Variants in BRIX1 observed in about 807,000 individuals in gnomAD.
BRIX1 encodes biogenesis of ribosomes BRX1.
A neutral mutation model predicts 44.0 loss-of-function variants in BRIX1; 15 were observed. The ratio of observed to expected loss-of-function variants is 0.34; its 90% CI spans 0.23 to 0.53. BRIX1 has a LOEUF of 0.53. Ranked by LOEUF, BRIX1 falls within the 20% of genes least tolerant of loss-of-function variation. The probability of loss-of-function intolerance (pLI) is 0.95; values close to 1 mark genes in which losing one functional copy is unlikely to be tolerated. For missense variants in BRIX1, 420 were observed against 432.8 expected, an observed-to-expected ratio of 0.97 and a Z score of 0.26; for synonymous variants, 149 against 135.4, an observed-to-expected ratio of 1.10 and a Z score of -0.70.
intron 8 of BRIX1, 136 bp downstream of exon 8, chr5:34,923,370 C>T (rs1764283284): frequency 1.5e-6 from 1 of 662,526 alleles, no homozygotes; most frequent in African/African-American, 1.8e-5. Flanking sequence ...ACCTCCACCT[C>T]CCGGGTTCAA....
intron 1 of BRIX1, 171 bp downstream of exon 1, chr5:34,916,068 C>T (rs182916164): frequency 2.8e-5 from 20 of 717,478 alleles, no homozygotes; most frequent in African/African-American, 2.2e-4. Context: ...GCAGCTAATC[C>T]TTGTGCACGT....
intron 1 of BRIX1, among the ~76,000 whole-genome samples, chr5:34,917,594 C>T (rs1025289547): frequency 6.6e-6 from 1 of 151,938 alleles, no homozygotes; most frequent in African/African-American, 2.4e-5. Flanking sequence ...GAGCCGAGAT[C>T]GCGCCACTGC....
rs560174267 is a variant in BRIX1 at position 34,924,949 on chromosome 5, A to T, written c.766A>T (p.Asn256Tyr). The change falls in exon 9 of 10, where the codon AAT (asparagine) becomes TAT (tyrosine). Residue 256 changes from asparagine (N) to tyrosine (Y), a missense_variant. Transcript: ENST00000336767. ...TTTTGGAGGACCAACTTTATATGAAAATCCTCACTACCAGTCACCAAACAT... is the reference window on the plus strand; with the variant it reads ...TTTTGGAGGACCAACTTTATATGAATATCCTCACTACCAGTCACCAAACAT... ...GSFGGPTLYE[N>Y]PHYQSPNMHR... 3.1e-6 allele frequency: 5 copies of T among 1,613,526 alleles called. No homozygotes were observed. The Admixed American group carries it at 8.3e-5, about 27-fold the overall frequency.
intron 1 of BRIX1, among the ~76,000 whole-genome samples, chr5:34,917,249 C>T (rs1005981582): frequency 2.0e-5 from 3 of 152,114 alleles, no homozygotes; most frequent in African/African-American, 7.2e-5. Context: ...ATGATGTAGA[C>T]GTGAAAATCT....
intron 9 of BRIX1, 97 bp downstream of exon 9, chr5:34,925,072 G>A: frequency 1.3e-6 from 2 of 1,497,046 alleles, no homozygotes; most frequent in Admixed American, 2.3e-5. Flanking sequence ...CTGTGAAACT[G>A]AATTTGGTTT....
intron 8 of BRIX1, among the ~76,000 whole-genome samples, chr5:34,923,591 T>C (rs1764288942): frequency 6.6e-6 from 1 of 152,072 alleles, no homozygotes; most frequent in African/African-American, 2.4e-5. Flanking sequence ...TTTTTTTTTT[T>C]AGAGATAGAG....
In BRIX1 at chr5:34,925,480, T is replaced by C; in HGVS notation, c.1047T>C (p.Ser349=). ...RQRKMKQRMD[S]GKTK ...GAAAAATGAAACAGAGGATGGACAG[T>C]GGGAAAACAAAATAAGTCAATGGAA... The change falls in exon 10 of 10, where the codon AGT becomes AGC. Residue 349 remains serine (S), a synonymous_variant. Coordinates refer to ENST00000336767, the MANE Select transcript of BRIX1 (RefSeq NM_018321.4). 2 of 1,610,226 alleles carry C rather than the reference T, an allele frequency of 1.2e-6. No homozygotes were observed. The highest frequency in any genetic ancestry group is 1.1e-5 in the South Asian group (1 of 89,942).
Position 34,922,240 on chromosome 5 carries a change from T to C in BRIX1, c.339T>C (p.Asn113=). 1.9e-6 allele frequency: 3 copies of C among 1,586,810 alleles called. No homozygotes were observed. The highest frequency in any genetic ancestry group is 2.6e-6 in the Non-Finnish European group (3 of 1,159,140). Residue 113 remains asparagine (N), a synonymous_variant, in exon 4 of 10, where the codon AAT becomes AAC. Transcript: ENST00000336767. ...INEVCEMKNC[N]KCIYFEAKKK... is the part of the protein sequence containing the mutation. Reference sequence around the variant, plus strand: ...AGGTTTGTGAAATGAAGAACTGTAATAAATGCATCTATTTTGAAGCTAAGA... The same window carrying C: ...AGGTTTGTGAAATGAAGAACTGTAACAAATGCATCTATTTTGAAGCTAAGA...
At chr5:34,916,164 TTTC>T (rs1764080975) in intron 1 of BRIX1, 5 of 350,034 alleles carry the variant, frequency 1.4e-5, no homozygotes, top group Non-Finnish European at 2.6e-5. Flanking sequence ...TCCAGCGTTC[TTTC>T]TTACTAGTTG....
chr5:34,921,778 G>C (rs530437881), intron 3 of BRIX1: 1 of 153,626 alleles, frequency 6.5e-6, no homozygotes, highest in East Asian at 1.9e-4. Flanking sequence ...GATGGCACAG[G>C]CCTGTAATAT....
intron 4 of BRIX1, 94 bp from the exon 5 acceptor site, chr5:34,922,445 A>G: frequency 6.4e-6 from 6 of 933,926 alleles, no homozygotes; most frequent in African/African-American, 1.7e-5. Context: ...AATTAAATGT[A>G]TAAATATTAT....
Position 34,915,814 on chromosome 5 carries a change from GC to G in BRIX1, c.77del (p.Ala26GlyfsTer45). The stretch of plus-strand genomic sequence containing the variant: ...GAAGCCAAAAAGAAACGAAATAGAT[GC>G]GGAGCCGCCAGCTAAGCGGCACGCC... ...AKKPKRNEID[A>X]EPPAKRHATA... On this transcript the variant is annotated frameshift_variant, in exon 1 of 10. Coordinates refer to ENST00000336767, the MANE Select transcript of BRIX1 (RefSeq NM_018321.4). LOFTEE classifies it high-confidence loss of function. 6.3e-7 allele frequency: 1 copy of G among 1,580,006 alleles called. No individual in the cohort carries two copies. The highest frequency in any genetic ancestry group is 8.6e-7 in the Non-Finnish European group (1 of 1,163,154).
intron 1 of BRIX1, chr5:34,916,532 T>G (rs1764096799): frequency 6.6e-6 from 1 of 152,256 alleles, no homozygotes; most frequent in African/African-American, 2.4e-5. Flanking sequence ...CCTGAAATGT[T>G]GGAGTTTAGG....
intron 2 of BRIX1, chr5:34,919,101 A>G (rs1764182801): frequency 6.6e-6 from 1 of 150,776 alleles, no homozygotes; most frequent in Non-Finnish European, 1.5e-5. Context: ...ATAAAAAAAA[A>G]AAAAAATGAA....
At chr5:34,918,120 T>C (rs551725761) in intron 1 of BRIX1, 17 of 231,638 alleles carry the variant, frequency 7.3e-5, no homozygotes, top group African/African-American at 3.3e-4. Context: ...CTGGGCAACA[T>C]AGGGAGACTC....
chr5:34,925,328 C>G lies in BRIX1; in HGVS notation c.895C>G (p.Pro299Ala). ...AAAGAAAGAGCCGAAGACTCTTCTT[C>G]CACATGATCCCACTGCAGATGTTTT... Reference protein sequence around the residue: ...LRKKEPKTLLPHDPTADVFVT... With the variant: ...LRKKEPKTLLAHDPTADVFVT... The change falls in exon 10 of 10, where the codon CCA becomes GCA. Residue 299 changes from proline to alanine, a missense_variant. Pro to Ala is a conservative substitution (Grantham distance 27, BLOSUM62 -1). Coordinates refer to ENST00000336767, the MANE Select transcript of BRIX1 (RefSeq NM_018321.4). 1 of 1,613,730 alleles carries G rather than the reference C, an allele frequency of 6.2e-7. No individual in the cohort carries two copies. Among genetic ancestry groups the G allele is most frequent in the African/African-American group, 1.3e-5 (1 of 74,940 alleles).
At chr5:34,921,697 G>A (rs1283183710) in intron 3 of BRIX1, 2 of 152,464 alleles carry the variant, frequency 1.3e-5, no homozygotes, top group African/African-American at 2.4e-5. Flanking sequence ...CCTGAGGTTG[G>A]GAGTTCAAGA....
intron 9 of BRIX1, 61 bp downstream of exon 9, chr5:34,925,036 C>G: frequency 3.9e-6 from 6 of 1,557,544 alleles, no homozygotes; most frequent in Non-Finnish European, 5.2e-6. Context: ...CAAAATGATT[C>G]TGTGAAGTAA....
Position 34,915,822 on chromosome 5 carries a change from G to C in BRIX1, c.84G>C (p.Pro28=). The change falls in exon 1 of 10, where the codon CCG becomes CCC. Residue 28 remains proline, a synonymous_variant. Transcript: ENST00000336767. ...KPKRNEIDAE[P]PAKRHATAEE... Reference sequence around the variant, plus strand: ...AAAGAAACGAAATAGATGCGGAGCCGCCAGCTAAGCGGCACGCCACAGCAG... The same window carrying C: ...AAAGAAACGAAATAGATGCGGAGCCCCCAGCTAAGCGGCACGCCACAGCAG... The C allele has an allele frequency of 6.3e-7, 1 of 1,575,094 alleles. No individual in the cohort carries two copies. The highest frequency in any genetic ancestry group is 1.2e-5 in the South Asian group (1 of 85,950).
Sources: gnomAD v4.1 joint callset for allele counts (sites outside exome capture counted in the v4.1 genomes callset) on GRCh38, gnomAD v4.1.1 for gene constraint, MANE v1.5 for transcripts, NCBI Gene and HGNC (gene_info 2026-07-23, HGNC 2026-07-21) for gene names.